Variants in MYCBP2 observed in about 807,000 individuals in gnomAD.
The protein encoded by MYCBP2 is E3 ubiquitin-protein ligase MYCBP2.
In MYCBP2, 120 loss-of-function variants were observed where a neutral mutation model predicts 525.3. The ratio of observed to expected loss-of-function variants is 0.23; its 90% CI spans 0.20 to 0.27. The LOEUF (loss-of-function observed/expected upper bound fraction) is 0.27, where lower values mean the gene tolerates loss of function less well. MYCBP2 is among the 10% of genes least tolerant of loss of function. The pLI, the probability that MYCBP2 is intolerant of heterozygous loss-of-function variation, is 1.00. For missense variants in MYCBP2, 4,149 were observed against 5,657.1 expected, an observed-to-expected ratio of 0.73 and a Z score of 8.55; for synonymous variants, 1,894 against 1,955.8, an observed-to-expected ratio of 0.97 and a Z score of 0.83.
chr13:77,286,658 A>C (rs1359402036), intron 3 of MYCBP2, among the ~76,000 whole-genome samples: 1 of 135,478 alleles, frequency 7.4e-6, no homozygotes, highest in Non-Finnish European at 1.5e-5. Context: ...TGGGAGGCTG[A>C]GGCAGGAGAA....
rs1203070745 is a variant in MYCBP2, at chr13:77,081,986, T to A, written c.11044A>T (p.Ser3682Cys). 1 of 1,612,410 alleles carries A rather than the reference T, an allele frequency of 6.2e-7. No homozygotes were observed. Among genetic ancestry groups the A allele is most frequent in the Non-Finnish European group, 8.5e-7 (1 of 1,179,348 alleles). Reference protein sequence around the residue: ...SLQQMALRCWSLKFKQSDHQF... With the variant: ...SLQQMALRCWCLKFKQSDHQF... Reference sequence around the variant, plus strand: ...TGATCAGATTGCTTGAATTTGAGACTCCAGCACCTAAAAAGGCGATATATA... The same window carrying A: ...TGATCAGATTGCTTGAATTTGAGACACCAGCACCTAAAAAGGCGATATATA... Residue 3682 changes from serine (S) to cysteine (C), a missense_variant, in exon 64 of 83, where the codon AGT becomes TGT. Coordinates refer to ENST00000544440, the MANE Select transcript of MYCBP2 (RefSeq NM_015057.5). This position sits in a 1 kb window ranked among gnomAD's most constrained non-coding sequence, Gnocchi z 4.6.
At chr13:77,089,470 A>C (rs1162097303) in intron 60 of MYCBP2, among the ~76,000 whole-genome samples, 1 of 152,114 alleles carries the variant, frequency 6.6e-6, no homozygotes, top group Non-Finnish European at 1.5e-5. Context: ...CTTCAGTAAG[A>C]TAACTTAATC....
intron 69 of MYCBP2, 96 bp from the exon 70 acceptor site, chr13:77,068,927 T>C: frequency 3.3e-6 from 4 of 1,197,506 alleles, no homozygotes; most frequent in Middle Eastern, 2.8e-4. Flanking sequence ...GACAAGAATG[T>C]AAATTGATAC....
intron 18 of MYCBP2, among the ~76,000 whole-genome samples, chr13:77,232,761 ATT>A (rs1399588451): frequency 2.0e-5 from 3 of 152,202 alleles, no homozygotes; most frequent in African/African-American, 7.2e-5. Context: ...ATTTAGTAAT[ATT>A]GTTTATCCTA....
rs575036503 is a variant in MYCBP2, at chr13:77,324,418, A to C, written c.302+2056T>G. 2.0e-5 allele frequency among the ~76,000 whole-genome samples: 3 copies of C among 152,334 alleles called. No homozygotes were observed. The East Asian group carries it at 5.8e-4, about 29-fold the overall frequency. On this transcript the variant is annotated intron_variant, in intron 1 of 82. Transcript: ENST00000544440. ...CCCTATACAAATAATTCTATCATTC[A>C]TTCAGAGCCGAAACCCCAAGTCTAC...
At chr13:77,056,280 A>C (rs1333733524) in intron 79 of MYCBP2, among the ~76,000 whole-genome samples, 1 of 152,160 alleles carries the variant, frequency 6.6e-6, no homozygotes, top group Non-Finnish European at 1.5e-5. Flanking sequence ...AGAGCAAAAT[A>C]CTACAATCTT....
In MYCBP2 at chr13:77,183,541, CTTTTTTTTTTTTTT is replaced by C. The variant is rs60927409; in HGVS notation, c.4719+1548_4719+1561del. 7.4e-4 allele frequency among the ~76,000 whole-genome samples: 49 copies of C among 66,076 alleles called. 2 individuals are homozygous for C. The highest frequency in any genetic ancestry group is 9.7e-4 in the Non-Finnish European group (40 of 41,026). 43.3% of individuals were successfully genotyped at this position (66,076 alleles called of 152,430 possible). On this transcript the variant is annotated intron_variant, in intron 32 of 82. Transcript: ENST00000544440. ...TTGTTTATAGTGATAGTCCCTATTT[CTTTTTTTTTTTTTT>C]TTTTTTTTTTTTTTTGAGATGGAGT...
intron 30 of MYCBP2, among the ~76,000 whole-genome samples, chr13:77,188,614 T>C (rs1156757568): frequency 5.3e-5 from 8 of 152,206 alleles, no homozygotes; most frequent in Non-Finnish European, 7.4e-5. Flanking sequence ...TAATCACGCT[T>C]TTTTGGGCCA....
Position 77,184,589 on chromosome 13 carries a change from T to C in MYCBP2, c.4719+514A>G, listed in dbSNP as rs193001913. Among the ~76,000 whole-genome samples, 375 of 152,134 alleles carry C rather than the reference T, an allele frequency of 2.5e-3. 1 individual carries two copies. The highest frequency in any genetic ancestry group is 8.4e-3 in the African/African-American group (350 of 41,508). On this transcript the variant is annotated intron_variant, in intron 32 of 82. Transcript: ENST00000544440. ...CCTCTATTAATTACTGAAAGAGGAG[T>C]GTTAAAGTCCCCAGCTGTCAATGTG... is the stretch of plus-strand genomic sequence containing the variant.
intron 72 of MYCBP2, 22 bp from the exon 73 acceptor site, chr13:77,064,756 T>G (rs1384517997): frequency 6.3e-7 from 1 of 1,589,310 alleles, no homozygotes. Context: ...AACAGAGTAT[T>G]TTAATAAGTG....
chr13:77,224,543 A>G lies in MYCBP2; in HGVS notation c.2858-11T>C, dbSNP rs1158894690. 6.4e-7 allele frequency: 1 copy of G among 1,557,186 alleles called. No individual in the cohort carries two copies. Among genetic ancestry groups the G allele is most frequent in the Admixed American group, 1.7e-5 (1 of 58,568 alleles). On this transcript the variant is annotated splice_polypyrimidine_tract_variant and intron_variant, in intron 19 of 82. Coordinates refer to ENST00000544440, the MANE Select transcript of MYCBP2 (RefSeq NM_015057.5). ...TTTCCATTAAAACCACTGCAACCAA[A>G]ACACACAGCTTTATTTTTTCATTAT...
At chr13:77,048,542 C>T (rs1174634672) in intron 82 of MYCBP2, among the ~76,000 whole-genome samples, 6 of 152,228 alleles carry the variant, frequency 3.9e-5, no homozygotes, top group African/African-American at 1.2e-4. Flanking sequence ...TTCCAGTTCT[C>T]TAAATGAATG....
At chr13:77,144,100 C>T (rs927853817) in intron 49 of MYCBP2, 47 of 264,792 alleles carry the variant, frequency 1.8e-4, no homozygotes, top group African/African-American at 9.9e-4. Flanking sequence ...ACTGGAAGAT[C>T]CAAACATGAA....
At chr13:77,216,455 T>G (rs1471889509) in intron 21 of MYCBP2, among the ~76,000 whole-genome samples, 1 of 152,150 alleles carries the variant, frequency 6.6e-6, no homozygotes, top group Non-Finnish European at 1.5e-5. Context: ...TACAGGTTGC[T>G]TATAGTTTCA....
Position 77,261,271 on chromosome 13 carries a change from G to T in MYCBP2, c.1752C>A (p.His584Gln). 1.2e-6 allele frequency: 2 copies of T among 1,613,534 alleles called. No homozygotes were observed. The highest frequency in any genetic ancestry group is 1.7e-6 in the Non-Finnish European group (2 of 1,179,736). Residue 584 changes from histidine to glutamine, a missense_variant, in exon 12 of 83, where the codon CAC becomes CAA. By Grantham distance (24) the His-to-Gln change is conservative. Coordinates refer to ENST00000544440, the MANE Select transcript of MYCBP2 (RefSeq NM_015057.5). ...LPITKSPKIV[H>Q]FSVGHDGSHA... is the part of the protein sequence containing the mutation. The stretch of plus-strand genomic sequence containing the variant: ...GAGAGCCATCGTGTCCAACTGAGAA[G>T]TGTACTATCTTTGGAGATTTTGTAA...
Position 77,312,442 on chromosome 13 carries a change from G to T in MYCBP2, c.302+14032C>A, listed in dbSNP as rs528007001. ...TATGCATGACAACTATAACATAAAG[G>T]TCTCTGGGGGAGGGGAGAATAAAAG... is the stretch of plus-strand genomic sequence containing the variant. On this transcript the variant is annotated intron_variant, in intron 1 of 82. Coordinates refer to ENST00000544440, the MANE Select transcript of MYCBP2 (RefSeq NM_015057.5). 2.0e-5 allele frequency among the ~76,000 whole-genome samples: 3 copies of T among 152,126 alleles called. No homozygotes were observed. The South Asian group carries it at 6.2e-4, about 32-fold the overall frequency.
At position 77,219,162 on chromosome 13, in the gene MYCBP2, C is replaced by T. The variant is rs762806410; in HGVS notation, c.2940-1205G>A. 9.9e-5 allele frequency among the ~76,000 whole-genome samples: 15 copies of T among 152,026 alleles called. 1 individual carries two copies. The South Asian group carries it at 1.2e-3, about 13-fold the overall frequency. ...CTCTTCTAACATTTTAGATACAGAC[C>T]GAGGAAGAACAGCTCACAGACATCT... On this transcript the variant is annotated intron_variant, in intron 20 of 82. Transcript: ENST00000544440.
intron 47 of MYCBP2, among the ~76,000 whole-genome samples, chr13:77,148,820 T>G (rs1348944624): frequency 6.6e-6 from 1 of 152,114 alleles, no homozygotes; most frequent in Non-Finnish European, 1.5e-5. Flanking sequence ...GATTCATCAC[T>G]TCCATTTCCA....
intron 62 of MYCBP2, among the ~76,000 whole-genome samples, chr13:77,085,803 G>C (rs1418530734): frequency 6.6e-6 from 1 of 152,198 alleles, no homozygotes; most frequent in East Asian, 1.9e-4. Flanking sequence ...AAACAGGAAA[G>C]AGTCATTCCT....
Sources: allele counts gnomAD v4.1 joint callset (sites outside exome capture counted in the v4.1 genomes callset), GRCh38; gene constraint gnomAD v4.1.1; non-coding constraint Gnocchi (gnomAD v3.1); transcripts MANE v1.5; gene names NCBI Gene and HGNC (gene_info 2026-07-23, HGNC 2026-07-21).